The following PRMT9 variants were observed in gnomAD, a reference collection of about 807,000 sequenced individuals.
The protein encoded by PRMT9 is protein arginine methyltransferase 9.
A neutral mutation model predicts 83.2 loss-of-function variants in PRMT9; 59 were observed. That is an observed-to-expected ratio of 0.71 (90% confidence interval 0.57 to 0.88). PRMT9 has a LOEUF of 0.88. PRMT9 is among the 40% of genes least tolerant of loss of function. The probability of loss-of-function intolerance (pLI) is 0.00; values close to 1 mark genes in which losing one functional copy is unlikely to be tolerated. For synonymous variants in PRMT9, 333 were observed against 353.2 expected (o/e 0.94, Z 0.64); for missense variants, 947 against 1,021.9 (o/e 0.93, Z 1.00).
chr4:147,653,837 T>G lies in PRMT9; in HGVS notation c.2045+15A>C, dbSNP rs1560976919. 1 of 1,587,374 alleles carries G rather than the reference T, an allele frequency of 6.3e-7. No individual in the cohort carries two copies. The highest frequency in any genetic ancestry group is 2.2e-5 in the East Asian group (1 of 44,746). Reference sequence around the variant, plus strand: ...AAAAAAAAACAAAGCCAAAAGTTATTATTTTGTGTTTTACCTGGATATTGC... The same window carrying G: ...AAAAAAAAACAAAGCCAAAAGTTATGATTTTGTGTTTTACCTGGATATTGC... On this transcript the variant is annotated intron_variant, in intron 9 of 11. Transcript: ENST00000322396.
At chr4:147,680,075 G>T (rs1356227941) in intron 2 of PRMT9, among the ~76,000 whole-genome samples, 1 of 152,204 alleles carries the variant, frequency 6.6e-6, no homozygotes, top group African/African-American at 2.4e-5. Flanking sequence ...CCAATAAGGG[G>T]TGGCACTCAG....
Position 147,642,824 on chromosome 4 carries a change from A to G in PRMT9, c.2162T>C (p.Leu721Pro). 1 of 1,614,098 alleles carries G rather than the reference A, an allele frequency of 6.2e-7. No homozygotes were observed. Among genetic ancestry groups the G allele is most frequent in the Non-Finnish European group, 8.5e-7 (1 of 1,179,914 alleles). Residue 721 changes from leucine to proline, a missense_variant, in exon 10 of 12, where the codon CTT becomes CCT. Physicochemically the swap from Leu to Pro is moderately conservative, Grantham distance 98 (BLOSUM62 -3). Transcript: ENST00000322396. ...AATAAAAGGTGCTATATTTAATCCA[A>G]GAGTACGTTCTGTTCCTTGAACAGC... Reference protein sequence around the residue: ...ENAVQGTERTLGLNIAPFINQ... With the variant: ...ENAVQGTERTPGLNIAPFINQ...
intron 2 of PRMT9, among the ~76,000 whole-genome samples, chr4:147,678,780 G>A (rs1233427365): frequency 2.0e-5 from 3 of 152,158 alleles, no homozygotes; most frequent in East Asian, 1.9e-4. Flanking sequence ...AACATTTCAC[G>A]TGTACTGTCA....
In PRMT9 at chr4:147,643,347, A is replaced by G. The variant is rs978586338; in HGVS notation, c.2046-407T>C. Among the ~76,000 whole-genome samples, 3 of 152,212 alleles carry G rather than the reference A, an allele frequency of 2.0e-5. No individual in the cohort carries two copies. The South Asian group carries it at 6.2e-4, about 32-fold the overall frequency. Reference sequence around the variant, plus strand: ...AACATCAGTAACTAAGAATCATGATAAATTAGTAAAGAGCTACAGATTACA... The same window carrying G: ...AACATCAGTAACTAAGAATCATGATGAATTAGTAAAGAGCTACAGATTACA... On this transcript the variant is annotated intron_variant, in intron 9 of 11. Transcript: ENST00000322396.
intron 5 of PRMT9, among the ~76,000 whole-genome samples, chr4:147,669,086 T>TAA (rs78679149): frequency 6.9e-6 from 1 of 144,804 alleles, no homozygotes; most frequent in Non-Finnish European, 1.5e-5. Context: ...ACTCCATCTT[T>TAA]AAAAAAAAAA....
chr4:147,673,663 T>A lies in PRMT9; in HGVS notation c.550A>T (p.Ile184Phe). 1 of 1,610,756 alleles carries A rather than the reference T, an allele frequency of 6.2e-7. No individual in the cohort carries two copies. Reference sequence around the variant, plus strand: ...CTTAGTATTCCAGTTCCTGCTCCAATGTCCAAAACACTTTTGGACCCCAAA... The same window carrying A: ...CTTAGTATTCCAGTTCCTGCTCCAAAGTCCAAAACACTTTTGGACCCCAAA... Reference protein sequence around the residue: ...VCLGSKSVLDIGAGTGILSMF... With the variant: ...VCLGSKSVLDFGAGTGILSMF... The change falls in exon 3 of 12, where the codon ATT (isoleucine) becomes TTT (phenylalanine). Residue 184 changes from isoleucine (I) to phenylalanine (F), a missense_variant. Physicochemically the swap from Ile to Phe is conservative, Grantham distance 21. Coordinates refer to ENST00000322396, the MANE Select transcript of PRMT9 (RefSeq NM_138364.4).
chr4:147,658,301 AG>A (rs1169692894), intron 7 of PRMT9, among the ~76,000 whole-genome samples: 1 of 150,768 alleles, frequency 6.6e-6, no homozygotes, highest in Non-Finnish European at 1.5e-5. Flanking sequence ...AGGGGGATGG[AG>A]GGGGGTAGAG....
chr4:147,673,560 A>T, intron 3 of PRMT9, 78 bp downstream of exon 3: 1 of 946,794 alleles, frequency 1.1e-6, no homozygotes, highest in Non-Finnish European at 1.7e-6. Flanking sequence ...TTCCAATGTT[A>T]AATTTTCCAT....
At chr4:147,675,276 A>C (rs1234399501) in intron 2 of PRMT9, among the ~76,000 whole-genome samples, 1 of 152,116 alleles carries the variant, frequency 6.6e-6, no homozygotes, top group Non-Finnish European at 1.5e-5. Flanking sequence ...CACCGTGCCC[A>C]GCTAGAGAAA....
intron 10 of PRMT9, among the ~76,000 whole-genome samples, chr4:147,639,490 C>G (rs564285344): frequency 6.6e-6 from 1 of 152,278 alleles, no homozygotes; most frequent in Admixed American, 6.5e-5. Flanking sequence ...CAGATTCAAT[C>G]AAACAATAGT....
rs1276792913 is a variant in PRMT9 at position 147,670,715 on chromosome 4, C to T, written c.772G>A (p.Asp258Asn). 5.6e-6 allele frequency: 9 copies of T among 1,612,474 alleles called. No individual in the cohort carries two copies. The highest frequency in any genetic ancestry group is 2.2e-5 in the East Asian group (1 of 44,822). The stretch of plus-strand genomic sequence containing the variant: ...ATTCCTTCTCCAAATAAACCTGCAT[C>T]GACAGTTTCTGTTACAACTAGGGAC... The part of the protein sequence containing the change: ...RVSLVVTETV[D>N]AGLFGEGIVE... The change falls in exon 5 of 12, where the codon GAT (aspartate) becomes AAT (asparagine). Residue 258 changes from aspartate (D) to asparagine (N), a missense_variant. Coordinates refer to ENST00000322396, the MANE Select transcript of PRMT9 (RefSeq NM_138364.4).
At chr4:147,656,573 C>T (rs1468374746) in intron 8 of PRMT9, among the ~76,000 whole-genome samples, 1 of 151,806 alleles carries the variant, frequency 6.6e-6, no homozygotes, top group Non-Finnish European at 1.5e-5. Flanking sequence ...GAGATCGAGA[C>T]CATCCTGGCT....
intron 2 of PRMT9, among the ~76,000 whole-genome samples, chr4:147,676,686 T>C (rs1736097360): frequency 6.6e-6 from 1 of 152,216 alleles, no homozygotes; most frequent in Non-Finnish European, 1.5e-5. Flanking sequence ...TGCAGTTACA[T>C]TACTGAGACT....
intron 7 of PRMT9, among the ~76,000 whole-genome samples, chr4:147,660,597 TCCAGC>T (rs1286484941): frequency 6.6e-6 from 1 of 152,004 alleles, no homozygotes; most frequent in Admixed American, 6.6e-5. Context: ...GCCACTGCAC[TCCAGC>T]CTGGGTGACA....
intron 10 of PRMT9, among the ~76,000 whole-genome samples, chr4:147,639,509 T>C (rs1733238316): frequency 6.6e-6 from 1 of 152,190 alleles, no homozygotes; most frequent in South Asian, 2.1e-4. Context: ...GTTGATTTCA[T>C]TTGGAAAATA....
intron 9 of PRMT9, among the ~76,000 whole-genome samples, chr4:147,648,905 A>T (rs1395076457): frequency 6.6e-6 from 1 of 152,216 alleles, no homozygotes; most frequent in African/African-American, 2.4e-5. Context: ...ATGTTCAGAT[A>T]AAATGACCAT....
chr4:147,673,097 G>C lies in PRMT9; in HGVS notation c.605C>G (p.Ser202Cys), dbSNP rs371998541. 1.2e-5 allele frequency: 20 copies of C among 1,613,822 alleles called. No individual in the cohort carries two copies. The highest frequency in any genetic ancestry group is 4.0e-5 in the African/African-American group (3 of 74,906). The change falls in exon 4 of 12, where the codon TCC becomes TGC. Residue 202 changes from serine (S) to cysteine (C), a missense_variant. Transcript: ENST00000322396. ...CTTGGATAACTCACAGGCATACACG[G>C]AATGTGCTCCAGCTTTTTTAGCAAA... ...SMFAKKAGAH[S>C]VYACELSKTM...
At chr4:147,671,176 G>T (rs182257638) in intron 4 of PRMT9, among the ~76,000 whole-genome samples, 13 of 152,190 alleles carry the variant, frequency 8.5e-5, no homozygotes, top group Non-Finnish European at 5.9e-5. Context: ...TTATCAAAAT[G>T]AATCCTCTTT....
At position 147,682,400 on chromosome 4, in the gene PRMT9, T is replaced by C. The variant is rs1270395472; in HGVS notation, c.189+1399A>G. Among the ~76,000 whole-genome samples, 4 of 152,168 alleles carry C rather than the reference T, an allele frequency of 2.6e-5. 1 individual carries two copies. The highest frequency in any genetic ancestry group is 5.9e-5 in the Non-Finnish European group (4 of 68,024). ...CTCCATGTTGAGGCTGGTCTCGAAC[T>C]ACTGACCTCAGGTGATCCACCCGTC... is the stretch of plus-strand genomic sequence containing the variant. On this transcript the variant is annotated intron_variant, in intron 1 of 11. Coordinates refer to ENST00000322396, the MANE Select transcript of PRMT9 (RefSeq NM_138364.4).
Sources: allele counts gnomAD v4.1 joint callset (sites outside exome capture counted in the v4.1 genomes callset), GRCh38; gene constraint gnomAD v4.1.1; transcripts MANE v1.5; gene names NCBI Gene and HGNC (gene_info 2026-07-23, HGNC 2026-07-21).